RAD23B: variants seen among roughly 807,000 people sequenced by gnomAD.
The protein encoded by RAD23B is lysine-specific demethylase RAD23B.
A neutral mutation model predicts 49.1 loss-of-function variants in RAD23B; 5 were observed. The observed-to-expected ratio is 0.10, with a 90% CI of 0.05 to 0.21. The LOEUF is 0.21. Ranked by LOEUF, RAD23B falls within the 10% of genes least tolerant of loss-of-function variation. The pLI is 1.00. For missense variants in RAD23B, 356 were observed against 486.7 expected, an observed-to-expected ratio of 0.73 and a Z score of 2.53; for synonymous variants, 184 against 165.4, an observed-to-expected ratio of 1.11 and a Z score of -0.86.
At chr9:107,290,976 TC>T (rs1463096736) in intron 1 of RAD23B, among the ~76,000 whole-genome samples, 24 of 152,348 alleles carry the variant, frequency 1.6e-4, no homozygotes, top group African/African-American at 5.1e-4. Context: ...CACCATCTGT[TC>T]CCTGTAAGTT....
At chr9:107,320,682 T>C (rs1411403085) in intron 6 of RAD23B, among the ~76,000 whole-genome samples, 3 of 152,244 alleles carry the variant, frequency 2.0e-5, no homozygotes, top group African/African-American at 7.2e-5. Flanking sequence ...TGTGTGAGAA[T>C]AGAGGTCGAT....
chr9:107,301,676 C>T (rs1826657201), intron 2 of RAD23B, among the ~76,000 whole-genome samples: 1 of 152,008 alleles, frequency 6.6e-6, no homozygotes. Flanking sequence ...TAGCTAGGAC[C>T]ATAGGCATGT....
At chr9:107,322,980 A>G (rs1292998885) in intron 7 of RAD23B, among the ~76,000 whole-genome samples, 1 of 152,216 alleles carries the variant, frequency 6.6e-6, no homozygotes, top group Non-Finnish European at 1.5e-5. Context: ...AGCTGGTATT[A>G]TATATGGAAG....
At chr9:107,298,879 G>C (rs1230321593) in intron 1 of RAD23B, among the ~76,000 whole-genome samples, 1 of 151,798 alleles carries the variant, frequency 6.6e-6, no homozygotes, top group Non-Finnish European at 1.5e-5. Flanking sequence ...TTTGAAATGG[G>C]GAACAGTGGA....
rs184883781 is a variant in RAD23B, at chr9:107,309,795, G to A, written c.498-1887G>A. Among the ~76,000 whole-genome samples the A allele has an allele frequency of 3.6e-3, 540 of 151,924 alleles. 1 individual carries two copies. The highest frequency in any genetic ancestry group is 6.0e-3 in the South Asian group (29 of 4,806). ...AAATACAAAAAATTAGCTGGGCGTG[G>A]TGGCGGGCGCCTGTAGTCCCAGGTA... is the stretch of plus-strand genomic sequence containing the variant. On this transcript the variant is annotated intron_variant, in intron 4 of 9. Coordinates refer to ENST00000358015, the MANE Select transcript of RAD23B (RefSeq NM_002874.5).
rs745960194 is a variant in RAD23B, at chr9:107,329,746, C to G, written c.*90C>G. Reference sequence around the variant, plus strand: ...CTGGGATGACTTGGGCTCATATCCACAATACTTGGTATAAGGTAGTAGATT... The same window carrying G: ...CTGGGATGACTTGGGCTCATATCCAGAATACTTGGTATAAGGTAGTAGATT... On this transcript the variant is annotated 3_prime_UTR_variant, in exon 10 of 10. Transcript: ENST00000358015. 1.9e-5 allele frequency: 8 copies of G among 421,490 alleles called. No individual in the cohort carries two copies. The highest frequency in any genetic ancestry group is 3.7e-5 in the Non-Finnish European group (8 of 217,468). 26.1% of individuals were successfully genotyped at this position (421,490 alleles called of 1,614,324 possible).
chr9:107,306,641 C>T lies in RAD23B; in HGVS notation c.491C>T (p.Thr164Ile). 2 of 1,613,436 alleles carry T rather than the reference C, an allele frequency of 1.2e-6. No homozygotes were observed. Among genetic ancestry groups the T allele is most frequent in the Non-Finnish European group, 1.7e-6 (2 of 1,179,520 alleles). The change falls in exon 4 of 10, where the codon ACT becomes ATT. Residue 164 changes from threonine (T) to isoleucine (I), a missense_variant. This residue lies in a region of RAD23B where 137 missense variants were observed against 122.0 expected (regional missense o/e 1.12). Transcript: ENST00000358015. ...CCAGTGGCTACTAGCCCAACAGCAA[C>T]TGACAGGTAGGAACTGGATTCTAGG... ...ETPVATSPTA[T>I]DSTSGDSSRS...
intron 9 of RAD23B, among the ~76,000 whole-genome samples, chr9:107,326,666 C>T (rs1224295882): frequency 1.7e-5 from 2 of 114,422 alleles, no homozygotes; most frequent in Non-Finnish European, 3.4e-5. Flanking sequence ...CAGAGTCTCG[C>T]TCTGTTGCCC....
Position 107,331,699 on chromosome 9 carries a change from A to G in RAD23B, c.*2043A>G. Reference sequence around the variant, plus strand: ...AGTGAAAACTGGAAACAAAAAAAAAAAACAGCCTCTTCTTGGAAAGTGACA... The same window carrying G: ...AGTGAAAACTGGAAACAAAAAAAAAGAACAGCCTCTTCTTGGAAAGTGACA... On this transcript the variant is annotated 3_prime_UTR_variant, in exon 10 of 10. Coordinates refer to ENST00000358015, the MANE Select transcript of RAD23B (RefSeq NM_002874.5). 1 of 778,520 alleles carries G rather than the reference A, an allele frequency of 1.3e-6. No homozygotes were observed. The highest frequency in any genetic ancestry group is 1.7e-5 in the Admixed American group (1 of 58,462). The allele number at this position is 778,520 out of a possible 1,614,324, so 48.2% of individuals were successfully genotyped here.
intron 1 of RAD23B, chr9:107,284,634 C>T: frequency 2.4e-6 from 2 of 835,356 alleles, no homozygotes; most frequent in Non-Finnish European, 3.0e-6. Flanking sequence ...TGCCAAGAAT[C>T]TAAAAACGCT....
chr9:107,314,086 T>C (rs780986994), intron 5 of RAD23B, among the ~76,000 whole-genome samples: 4 of 152,202 alleles, frequency 2.6e-5, no homozygotes, highest in Non-Finnish European at 4.4e-5. Context: ...ATTATCCTTA[T>C]CCACCTGGTC....
chr9:107,288,897 T>C (rs954631642), intron 1 of RAD23B, among the ~76,000 whole-genome samples: 3 of 151,950 alleles, frequency 2.0e-5, no homozygotes, highest in African/African-American at 7.3e-5. Flanking sequence ...TAAGGGTGAG[T>C]TGGGTAAGAG....
intron 1 of RAD23B, among the ~76,000 whole-genome samples, chr9:107,295,434 ATAAT>A (rs572066105): frequency 5.6e-4 from 85 of 152,314 alleles, no homozygotes; most frequent in African/African-American, 1.9e-3. Flanking sequence ...ACAGGTGGAA[ATAAT>A]TAGGTTTGAA....
At chr9:107,300,088 T>C in intron 1 of RAD23B, 53 bp from the exon 2 acceptor site, 1 of 1,575,654 alleles carries the variant, frequency 6.3e-7, no homozygotes, top group Non-Finnish European at 8.6e-7. Context: ...AGATTCTGGA[T>C]TGTCATTTTT....
Position 107,322,002 on chromosome 9 carries a change from A to T in RAD23B, c.701A>T (p.Glu234Val). The T allele has an allele frequency of 6.2e-7, 1 of 1,610,694 alleles. No individual in the cohort carries two copies. Residue 234 changes from glutamate to valine, a missense_variant, in exon 7 of 10, where the codon GAA (glutamate) becomes GTA (valine). By Grantham distance (121) the Glu-to-Val change is moderately radical. Coordinates refer to ENST00000358015, the MANE Select transcript of RAD23B (RefSeq NM_002874.5). ...TTACAGGGAATCCCTGGAGATAGAG[A>T]AAGTCAGGCTGTGGTTGACCCCCCT... ...YLLMGIPGDR[E>V]SQAVVDPPQA...
At chr9:107,308,901 G>GA (rs1826835091) in intron 4 of RAD23B, among the ~76,000 whole-genome samples, 1 of 152,182 alleles carries the variant, frequency 6.6e-6, no homozygotes, top group Non-Finnish European at 1.5e-5. Flanking sequence ...GTGACTTTGT[G>GA]GGAAGTCTGT....
intron 7 of RAD23B, among the ~76,000 whole-genome samples, chr9:107,323,022 A>G (rs563627656): frequency 9.2e-5 from 14 of 152,330 alleles, no homozygotes; most frequent in Admixed American, 8.5e-4. Context: ...GGTCATTTCA[A>G]TTGGAATGAT....
chr9:107,284,017 C>A, intron 1 of RAD23B: 5 of 1,072,606 alleles, frequency 4.7e-6, no homozygotes, highest in Non-Finnish European at 5.6e-6. Flanking sequence ...CAGGCCGTCT[C>A]AGCCGTAGAG....
At chr9:107,315,248 T>C (rs1224417546) in intron 5 of RAD23B, among the ~76,000 whole-genome samples, 2 of 152,212 alleles carry the variant, frequency 1.3e-5, no homozygotes, top group African/African-American at 4.8e-5. Flanking sequence ...CCCCGGTGTA[T>C]GTTTTTGTTG....
Sources: allele counts gnomAD v4.1 joint callset (sites outside exome capture counted in the v4.1 genomes callset), GRCh38; gene constraint gnomAD v4.1.1; regional missense constraint gnomAD v4.1.1; transcripts MANE v1.5; gene names NCBI Gene and HGNC (gene_info 2026-07-23, HGNC 2026-07-21).